Variants in CNOT4 observed in about 807,000 individuals in gnomAD.
CNOT4 encodes the protein CCR4-NOT transcription complex subunit 4, also known as CCR4-associated factor 4.
In CNOT4, 8 loss-of-function variants were observed where a neutral mutation model predicts 73.8. That is an observed-to-expected ratio of 0.11 (90% CI 0.06 to 0.20). The LOEUF (loss-of-function observed/expected upper bound fraction) is 0.20, where lower values mean the gene tolerates loss of function less well. CNOT4 is among the 10% of genes least tolerant of loss of function. The probability of loss-of-function intolerance (pLI) is 1.00; values close to 1 mark genes in which losing one functional copy is unlikely to be tolerated. For synonymous variants in CNOT4, 293 were observed against 321.1 expected (o/e 0.91, Z 0.94); for missense variants, 564 against 883.4 (o/e 0.64, Z 4.58).
At chr7:135,460,478 G>A (rs999977306) in intron 1 of CNOT4, among the ~76,000 whole-genome samples, 5 of 152,064 alleles carry the variant, frequency 3.3e-5, no homozygotes, top group Admixed American at 6.6e-5. Context: ...GACCCAGAGG[G>A]AGACAGACAG....
rs1014155876 is a variant in CNOT4 at position 135,363,712 on chromosome 7, C to T, written c.1840+142G>A. 4 of 643,526 alleles carry T rather than the reference C, an allele frequency of 6.2e-6. No individual in the cohort carries two copies. Among genetic ancestry groups the T allele is most frequent in the African/African-American group, 5.5e-5 (3 of 54,692 alleles). The allele number at this position is 643,526 out of a possible 1,614,324, so 39.9% of individuals were successfully genotyped here. A position where few individuals can be genotyped will look rare whatever the true frequency, so the allele number is the denominator to read the frequency against. On this transcript the variant is annotated intron_variant, in intron 11 of 11. Transcript: ENST00000541284. This position sits in a 1 kb window ranked among gnomAD's most constrained non-coding sequence, Gnocchi z 4.3. ...GACAGGTTAAATGAGACTTGCATGA[C>T]CCCTGAGAACGAAACAAGCCACTCC...
At chr7:135,441,476 A>G (rs576816515) in intron 1 of CNOT4, among the ~76,000 whole-genome samples, 8 of 152,026 alleles carry the variant, frequency 5.3e-5, no homozygotes, top group Non-Finnish European at 8.8e-5. Context: ...TAGGAGTTTA[A>G]AGCTGACTTC....
intron 5 of CNOT4, 111 bp from the exon 6 acceptor site, chr7:135,413,724 A>G: frequency 1.0e-6 from 1 of 987,632 alleles, no homozygotes. Flanking sequence ...CACAAACATG[A>G]CAAAACAAAA....
Position 135,380,211 on chromosome 7 carries a change from G to C in CNOT4, c.1627+13707C>G, listed in dbSNP as rs1544829. ...GTAGCTCTTCTTCAAAGATGAATCG[G>C]AGATCACATCTTTAGTGTGTATGTA... On this transcript the variant is annotated intron_variant, in intron 10 of 11. Transcript: ENST00000541284. 2.2e-4 allele frequency among the ~76,000 whole-genome samples: 34 copies of C among 152,180 alleles called. 1 individual carries two copies. The South Asian group carries it at 7.1e-3, about 32-fold the overall frequency.
chr7:135,458,669 C>T (rs1257598190), intron 1 of CNOT4, among the ~76,000 whole-genome samples: 1 of 152,026 alleles, frequency 6.6e-6, no homozygotes, highest in Non-Finnish European at 1.5e-5. Context: ...AGGAGAAGGT[C>T]CCATCTCTAA....
At chr7:135,450,683 A>G (rs1563057834) in intron 1 of CNOT4, among the ~76,000 whole-genome samples, 1 of 152,182 alleles carries the variant, frequency 6.6e-6, no homozygotes, top group Non-Finnish European at 1.5e-5. Flanking sequence ...ATGGTAAGGA[A>G]AGATGTGGTA....
At chr7:135,416,936 G>A (rs534089060) in intron 3 of CNOT4, among the ~76,000 whole-genome samples, 29 of 152,256 alleles carry the variant, frequency 1.9e-4, no homozygotes, top group Middle Eastern at 3.4e-3. Flanking sequence ...GCCTGAAGCT[G>A]TTTATTGAGC....
intron 10 of CNOT4, among the ~76,000 whole-genome samples, chr7:135,369,531 G>C (rs1795084342): frequency 6.6e-6 from 1 of 152,162 alleles, no homozygotes; most frequent in African/African-American, 2.4e-5. Context: ...TTTCTAAAAA[G>C]CTTTTGTCTT....
chr7:135,472,712 C>A (rs111636650), intron 1 of CNOT4, among the ~76,000 whole-genome samples: 2,994 of 150,190 alleles, frequency 0.02, 108 homozygotes, highest in African/African-American at 0.07. Flanking sequence ...AAATTCTAAA[C>A]AAAGGTTAAA....
At chr7:135,402,565 G>C (rs1474249996) in intron 7 of CNOT4, among the ~76,000 whole-genome samples, 1 of 151,996 alleles carries the variant, frequency 6.6e-6, no homozygotes, top group Non-Finnish European at 1.5e-5. Flanking sequence ...TATTCAATTA[G>C]TCTAAATTGA....
intron 1 of CNOT4, among the ~76,000 whole-genome samples, chr7:135,480,258 A>G (rs564261987): frequency 1.2e-4 from 18 of 152,352 alleles, no homozygotes; most frequent in Admixed American, 9.1e-4. Flanking sequence ...CTAAGTTTTC[A>G]GTTGCCCAGT....
intron 7 of CNOT4, among the ~76,000 whole-genome samples, chr7:135,404,762 A>C (rs1453713732): frequency 6.6e-6 from 1 of 152,164 alleles, no homozygotes; most frequent in Non-Finnish European, 1.5e-5. Context: ...CAAATGTAAT[A>C]AAAATCGATA....
rs1400436062 is a variant in CNOT4 at position 135,394,428 on chromosome 7, A to C, written c.1130-13T>G. ...ACTGGGATTGTTTCTGTTGGGAAGA[A>C]AAATAGTGATGAATATCAGATACAT... On this transcript the variant is annotated splice_polypyrimidine_tract_variant and intron_variant, in intron 9 of 11. Transcript: ENST00000541284. The C allele has an allele frequency of 6.3e-7, 1 of 1,582,080 alleles. No homozygotes were observed. Among genetic ancestry groups the C allele is most frequent in the Admixed American group, 1.8e-5 (1 of 55,786 alleles).
At chr7:135,502,831 A>AG (rs964783754) in intron 1 of CNOT4, among the ~76,000 whole-genome samples, 2 of 151,436 alleles carry the variant, frequency 1.3e-5, no homozygotes, top group Admixed American at 1.3e-4. Context: ...AAAAAAAAAA[A>AG]AAAGAAAAAA....
rs956948536 is a variant in CNOT4 at position 135,378,998 on chromosome 7, A to G, written c.1627+14920T>C. Among the ~76,000 whole-genome samples the G allele has an allele frequency of 7.9e-5, 12 of 151,776 alleles. 1 individual carries two copies. The highest frequency in any genetic ancestry group is 1.5e-4 in the African/African-American group (6 of 41,362). ...AAACCCTGTCTCAAAAAAAAAAAAA[A>G]AAAGGAAGAAGAAGAAGAAAAGGGA... On this transcript the variant is annotated intron_variant, in intron 10 of 11. Coordinates refer to ENST00000541284, the MANE Select transcript of CNOT4 (RefSeq NM_001190850.2).
chr7:135,445,523 G>A (rs887948274), intron 1 of CNOT4, among the ~76,000 whole-genome samples: 1 of 152,124 alleles, frequency 6.6e-6, no homozygotes, highest in Non-Finnish European at 1.5e-5. Flanking sequence ...ATATAGAGAA[G>A]TTCCATTTAA....
At chr7:135,451,975 T>C (rs76656723) in intron 1 of CNOT4, among the ~76,000 whole-genome samples, 3,416 of 152,234 alleles carry the variant, frequency 0.022, 128 homozygotes, top group African/African-American at 0.07. Flanking sequence ...AGGTTGTGTG[T>C]AGTGGCTCGC....
At chr7:135,413,433 A>G in intron 6 of CNOT4, 55 bp downstream of exon 6, 1 of 1,204,486 alleles carries the variant, frequency 8.3e-7, no homozygotes, top group Non-Finnish European at 1.1e-6. Flanking sequence ...GTTAACTAAT[A>G]AAAAAAAAAG....
chr7:135,428,100 G>T (rs977392538), intron 2 of CNOT4, among the ~76,000 whole-genome samples: 2 of 152,100 alleles, frequency 1.3e-5, no homozygotes, highest in African/African-American at 4.8e-5. Context: ...GTAGGTAGGG[G>T]AAAACCATCC....
Sources: allele counts gnomAD v4.1 joint callset (sites outside exome capture counted in the v4.1 genomes callset), GRCh38; gene constraint gnomAD v4.1.1; non-coding constraint Gnocchi (gnomAD v3.1); transcripts MANE v1.5; gene names NCBI Gene and HGNC (gene_info 2026-07-23, HGNC 2026-07-21).